Variants in KCNIP4 observed in about 807,000 individuals in gnomAD.
The protein encoded by KCNIP4 is potassium voltage-gated channel interacting protein 4, also known as Kv channel-interacting protein 4.
In KCNIP4, 12 loss-of-function variants were observed where a neutral mutation model predicts 34.0. The ratio of observed to expected loss-of-function variants is 0.35; its 90% CI spans 0.23 to 0.57. The LOEUF (loss-of-function observed/expected upper bound fraction) is 0.57, where lower values mean the gene tolerates loss of function less well. Ranked by LOEUF, KCNIP4 falls within the 20% of genes least tolerant of loss-of-function variation. KCNIP4 has a pLI of 0.83. For missense variants in KCNIP4, 238 were observed against 311.7 expected (o/e 0.76, Z 1.78); for synonymous variants, 124 against 102.2 (o/e 1.21, Z -1.29).
intron 1 of KCNIP4, among the ~76,000 whole-genome samples, chr4:21,579,891 G>T (rs1741077267): frequency 6.6e-6 from 1 of 152,110 alleles, no homozygotes; most frequent in Admixed American, 6.5e-5. Context: ...TTTTTTAGCT[G>T]ATTTGGATGC....
intron 1 of KCNIP4, among the ~76,000 whole-genome samples, chr4:21,047,303 A>T (rs1742516596): frequency 6.6e-6 from 1 of 152,188 alleles, no homozygotes. Context: ...ATCCCTTGTC[A>T]TCTTCCACAG....
chr4:21,756,253 GTAT>G (rs1259549988), intron 1 of KCNIP4, among the ~76,000 whole-genome samples: 1 of 152,120 alleles, frequency 6.6e-6, no homozygotes, highest in Non-Finnish European at 1.5e-5. Context: ...AATAGTTGAA[GTAT>G]TATAAGAAAT....
chr4:21,154,459 C>A (rs1752998719), intron 1 of KCNIP4, among the ~76,000 whole-genome samples: 1 of 151,988 alleles, frequency 6.6e-6, no homozygotes, highest in Admixed American at 6.5e-5. Context: ...TATGTTATAG[C>A]ACATTTTCAT....
chr4:21,468,897 A>G (rs1176128654), intron 1 of KCNIP4, among the ~76,000 whole-genome samples: 1 of 152,188 alleles, frequency 6.6e-6, no homozygotes, highest in Non-Finnish European at 1.5e-5. Flanking sequence ...TTTGTCTCAC[A>G]TTGCTCAACA....
At chr4:20,839,141 C>CT (rs1216165534) in intron 3 of KCNIP4, among the ~76,000 whole-genome samples, 3 of 151,974 alleles carry the variant, frequency 2.0e-5, no homozygotes, top group Non-Finnish European at 2.9e-5. Context: ...TGTTTTCTAA[C>CT]TTTTTTTAGG....
intron 1 of KCNIP4, among the ~76,000 whole-genome samples, chr4:21,158,260 T>A (rs952083774): frequency 1.3e-5 from 2 of 152,062 alleles, no homozygotes; most frequent in Non-Finnish European, 2.9e-5. Flanking sequence ...CAAAGCAAAT[T>A]CTTCCTGAAG....
intron 1 of KCNIP4, among the ~76,000 whole-genome samples, chr4:21,837,967 CATTAA>C (rs1217948705): frequency 1.3e-5 from 2 of 152,046 alleles, no homozygotes; most frequent in African/African-American, 2.4e-5. Flanking sequence ...TGTGGCATTA[CATTAA>C]ATTGTGTTTA....
intron 2 of KCNIP4, among the ~76,000 whole-genome samples, chr4:20,860,024 T>G (rs925330819): frequency 2.0e-5 from 3 of 152,210 alleles, no homozygotes; most frequent in African/African-American, 7.2e-5. Flanking sequence ...GGAAGGATTA[T>G]CTTATTTGGC....
intron 1 of KCNIP4, among the ~76,000 whole-genome samples, chr4:21,575,107 A>C (rs112746386): frequency 7.9e-5 from 12 of 152,338 alleles, no homozygotes; most frequent in African/African-American, 2.6e-4. Context: ...GTAAACACTT[A>C]TGCTGACTCC....
intron 1 of KCNIP4, chr4:21,848,234 T>C (rs1398835): frequency 0.88 from 133,517 of 152,118 alleles, 58,687 homozygotes; most frequent in South Asian, 0.92. Context: ...GCCTTCAGCA[T>C]AAGGATTCAA....
At chr4:21,737,610 T>C (rs1716080350) in intron 1 of KCNIP4, among the ~76,000 whole-genome samples, 1 of 152,200 alleles carries the variant, frequency 6.6e-6, no homozygotes, top group African/African-American at 2.4e-5. Flanking sequence ...CCAGGAGCCC[T>C]CTTCCAGCAG....
intron 2 of KCNIP4, among the ~76,000 whole-genome samples, chr4:20,869,415 T>G (rs1443313304): frequency 6.6e-6 from 1 of 152,006 alleles, no homozygotes; most frequent in Non-Finnish European, 1.5e-5. Context: ...AGATGGTATA[T>G]GTGTCTGGCA....
intron 1 of KCNIP4, among the ~76,000 whole-genome samples, chr4:21,204,990 A>T (rs938192149): frequency 6.6e-6 from 1 of 152,232 alleles, no homozygotes. Flanking sequence ...GTTATTTTTA[A>T]AAGTTCCACT....
chr4:21,366,362 A>C (rs762198073), intron 1 of KCNIP4, among the ~76,000 whole-genome samples: 12 of 152,202 alleles, frequency 7.9e-5, no homozygotes, highest in Non-Finnish European at 1.2e-4. Flanking sequence ...CAGCCATGCC[A>C]GCAATTGCCT....
intron 1 of KCNIP4, among the ~76,000 whole-genome samples, chr4:21,453,104 C>G (rs358575): frequency 0.73 from 110,230 of 151,626 alleles, 40,654 homozygotes; most frequent in African/African-American, 0.84. Flanking sequence ...CCTTGTTTTG[C>G]AAGTGAAGAT....
intron 1 of KCNIP4, among the ~76,000 whole-genome samples, chr4:21,753,004 T>G (rs1717257689): frequency 6.6e-6 from 1 of 152,284 alleles, no homozygotes; most frequent in East Asian, 1.9e-4. Context: ...TTTTTTTATC[T>G]TTTTTTCCAA....
intron 3 of KCNIP4, among the ~76,000 whole-genome samples, chr4:20,809,136 T>C (rs190950419): frequency 6.6e-6 from 1 of 152,306 alleles, no homozygotes; most frequent in East Asian, 1.9e-4. Flanking sequence ...GGTGACAAAC[T>C]CATGCTCATT....
chr4:21,533,437 G>T (rs982498963), intron 1 of KCNIP4, among the ~76,000 whole-genome samples: 1 of 152,018 alleles, frequency 6.6e-6, no homozygotes, highest in African/African-American at 2.4e-5. Context: ...CCAAAATGTG[G>T]TCCAGAACCA....
intron 1 of KCNIP4, among the ~76,000 whole-genome samples, chr4:21,504,224 T>G (rs1209702777): frequency 6.6e-6 from 1 of 151,992 alleles, no homozygotes; most frequent in African/African-American, 2.4e-5. Context: ...TCTCAGCACT[T>G]TGGTAGGCCA....
Sources: allele counts gnomAD v4.1 joint callset (sites outside exome capture counted in the v4.1 genomes callset), GRCh38; gene constraint gnomAD v4.1.1; transcripts MANE v1.5; gene names NCBI Gene and HGNC (gene_info 2026-07-23, HGNC 2026-07-21).